Variants in SLC9A9 observed in about 807,000 individuals in gnomAD.
SLC9A9 encodes the protein solute carrier family 9 member A9.
In SLC9A9, 62 loss-of-function variants were observed where a neutral mutation model predicts 77.8. The observed-to-expected ratio is 0.80, with a 90% CI of 0.65 to 0.98. The LOEUF is 0.98. SLC9A9 is among the 50% of genes least tolerant of loss of function. The probability of loss-of-function intolerance (pLI) is 0.00; values close to 1 mark genes in which losing one functional copy is unlikely to be tolerated. For synonymous variants in SLC9A9, 320 were observed against 283.5 expected, an observed-to-expected ratio of 1.13 and a Z score of -1.29; for missense variants, 775 against 774.9, an observed-to-expected ratio of 1.00 and a Z score of 0.00.
chr3:143,472,000 A>C (rs2035385556), intron 11 of SLC9A9, among the ~76,000 whole-genome samples: 1 of 152,244 alleles, frequency 6.6e-6, no homozygotes, highest in South Asian at 2.1e-4. Flanking sequence ...TGAAGCCTTT[A>C]ATCAATTACA....
chr3:143,664,754 G>T (rs1254621556), intron 5 of SLC9A9, among the ~76,000 whole-genome samples: 1 of 152,206 alleles, frequency 6.6e-6, no homozygotes, highest in African/African-American at 2.4e-5. Context: ...TTATGTAATT[G>T]TAAAGGGATC....
chr3:143,827,264 A>G (rs1050895333), intron 2 of SLC9A9, among the ~76,000 whole-genome samples: 1 of 152,196 alleles, frequency 6.6e-6, no homozygotes, highest in Non-Finnish European at 1.5e-5. Context: ...TATACACAGA[A>G]CAATTTGACA....
chr3:143,502,472 TAA>T (rs11341160), intron 9 of SLC9A9, among the ~76,000 whole-genome samples: 54 of 151,504 alleles, frequency 3.6e-4, no homozygotes, highest in African/African-American at 1.2e-3. Context: ...TACTAGAAAG[TAA>T]AAAAAAAGTC....
intron 14 of SLC9A9, among the ~76,000 whole-genome samples, chr3:143,270,407 C>T (rs1937865288): frequency 6.6e-6 from 1 of 152,176 alleles, no homozygotes. Flanking sequence ...ATTCTCAGGG[C>T]AGGGTCAGGG....
At chr3:143,628,509 G>T (rs75672724) in intron 6 of SLC9A9, among the ~76,000 whole-genome samples, 1 of 152,088 alleles carries the variant, frequency 6.6e-6, no homozygotes, top group Non-Finnish European at 1.5e-5. Context: ...TACTGAATGA[G>T]TGTCGCTAAA....
At chr3:143,764,357 C>T (rs1444330418) in intron 4 of SLC9A9, among the ~76,000 whole-genome samples, 1 of 152,176 alleles carries the variant, frequency 6.6e-6, no homozygotes, top group Non-Finnish European at 1.5e-5. Flanking sequence ...GTATCACTTT[C>T]CAGATAGAAC....
chr3:143,573,993 C>T, intron 8 of SLC9A9, 95 bp downstream of exon 8: 1 of 1,075,378 alleles, frequency 9.3e-7, no homozygotes, highest in East Asian at 2.5e-5. Flanking sequence ...TTAAGAGAGA[C>T]TTCATTTCAC....
At chr3:143,722,366 G>A (rs1317322240) in intron 4 of SLC9A9, among the ~76,000 whole-genome samples, 1 of 149,592 alleles carries the variant, frequency 6.7e-6, no homozygotes, top group Non-Finnish European at 1.5e-5. Context: ...CCAGTTACCC[G>A]AGAGGCTGAG....
In SLC9A9 at chr3:143,351,314, C is replaced by T. The variant is rs551674643; in HGVS notation, c.1604+12170G>A. ...AGTTATGATCAGCAGTTTGAAAAAC[C>T]CTGATTTAAATATTATTATGTCCCT... On this transcript the variant is annotated intron_variant, in intron 14 of 15. Coordinates refer to ENST00000316549, the MANE Select transcript of SLC9A9 (RefSeq NM_173653.4). 8.5e-5 allele frequency among the ~76,000 whole-genome samples: 13 copies of T among 152,246 alleles called. No individual in the cohort carries two copies. The East Asian group carries it at 2.3e-3, about 27-fold the overall frequency.
intron 12 of SLC9A9, among the ~76,000 whole-genome samples, chr3:143,453,619 G>A (rs1396694857): frequency 1.3e-5 from 2 of 152,068 alleles, no homozygotes; most frequent in Non-Finnish European, 2.9e-5. Flanking sequence ...ATAATTCACT[G>A]ACATTTCTAA....
chr3:143,289,911 G>C (rs1938491384), intron 14 of SLC9A9, among the ~76,000 whole-genome samples: 1 of 152,196 alleles, frequency 6.6e-6, no homozygotes. Context: ...CTTAGAAGGA[G>C]TGTAAACTCC....
intron 9 of SLC9A9, among the ~76,000 whole-genome samples, chr3:143,507,240 C>T (rs536635120): frequency 4.0e-5 from 6 of 151,870 alleles, no homozygotes; most frequent in South Asian, 4.2e-4. Context: ...TGGAGTCTCA[C>T]TCTGTCACCC....
At chr3:143,838,879 G>T (rs1290039817) in intron 1 of SLC9A9, among the ~76,000 whole-genome samples, 1 of 152,144 alleles carries the variant, frequency 6.6e-6, no homozygotes. Flanking sequence ...TATTCACAAA[G>T]ATCAGATTTT....
chr3:143,437,627 T>C (rs1207856594), intron 12 of SLC9A9, among the ~76,000 whole-genome samples: 4 of 152,242 alleles, frequency 2.6e-5, no homozygotes. Flanking sequence ...TTAAATTCTA[T>C]ACGCAGAGGG....
intron 6 of SLC9A9, among the ~76,000 whole-genome samples, chr3:143,616,111 C>T (rs995231241): frequency 1.3e-5 from 2 of 152,020 alleles, no homozygotes; most frequent in Non-Finnish European, 1.5e-5. Context: ...TCTCGACCTC[C>T]TGACCTTGTG....
At chr3:143,328,667 T>C (rs995513840) in intron 14 of SLC9A9, among the ~76,000 whole-genome samples, 2 of 152,198 alleles carry the variant, frequency 1.3e-5, no homozygotes, top group Non-Finnish European at 2.9e-5. Flanking sequence ...GTAATTTGCT[T>C]GAACTTTTCC....
At chr3:143,660,867 A>C (rs1372960428) in intron 5 of SLC9A9, among the ~76,000 whole-genome samples, 1 of 152,198 alleles carries the variant, frequency 6.6e-6, no homozygotes, top group Admixed American at 6.5e-5. Context: ...TATGCTTAAC[A>C]AGGAAAAACC....
intron 6 of SLC9A9, among the ~76,000 whole-genome samples, chr3:143,629,568 T>TGC (rs2108725844): frequency 6.6e-6 from 1 of 151,360 alleles, no homozygotes; most frequent in East Asian, 1.9e-4. Flanking sequence ...TGTGCGTGTG[T>TGC]GTGCGTGTGT....
At chr3:143,710,428 C>G (rs1258686186) in intron 4 of SLC9A9, among the ~76,000 whole-genome samples, 1 of 152,164 alleles carries the variant, frequency 6.6e-6, no homozygotes, top group Admixed American at 6.5e-5. Context: ...TTCCACAGGC[C>G]AAGTAACCAG....
Sources: gnomAD v4.1 joint callset for allele counts (sites outside exome capture counted in the v4.1 genomes callset) on GRCh38, gnomAD v4.1.1 for gene constraint, MANE v1.5 for transcripts, NCBI Gene and HGNC (gene_info 2026-07-23, HGNC 2026-07-21) for gene names.